EYA3: variants seen among roughly 807,000 people sequenced by gnomAD.
EYA3 encodes the protein protein phosphatase EYA3.
Under a neutral mutation model 80.0 loss-of-function variants are expected in EYA3, and 39 were observed. The observed-to-expected ratio is 0.49, with a 90% CI of 0.38 to 0.64. EYA3 has a LOEUF of 0.64. Ranked by LOEUF, EYA3 falls within the 30% of genes least tolerant of loss-of-function variation. The pLI is 0.00. For missense variants in EYA3, 523 were observed against 676.1 expected (o/e 0.77, Z 2.51); for synonymous variants, 206 against 232.8 (o/e 0.88, Z 1.05).
chr1:28,024,042 C>T (rs1270793180), intron 7 of EYA3, among the ~76,000 whole-genome samples: 3 of 152,102 alleles, frequency 2.0e-5, no homozygotes, highest in Admixed American at 6.5e-5. Flanking sequence ...AGTTTGAGAC[C>T]AGCCTGGCCA....
intron 4 of EYA3, among the ~76,000 whole-genome samples, chr1:28,041,891 TA>T (rs1027008143): frequency 3.0e-4 from 46 of 152,318 alleles, no homozygotes; most frequent in Non-Finnish European, 5.3e-4. Flanking sequence ...CTGAAGTATG[TA>T]AAGTATAAGA....
chr1:28,010,473 C>T (rs1641612792), intron 10 of EYA3, among the ~76,000 whole-genome samples: 1 of 152,178 alleles, frequency 6.6e-6, no homozygotes, highest in Non-Finnish European at 1.5e-5. Context: ...TCACTGCAGC[C>T]TCAACCTGCC....
chr1:28,000,655 T>C (rs1640770667), intron 11 of EYA3, among the ~76,000 whole-genome samples: 1 of 151,922 alleles, frequency 6.6e-6, no homozygotes, highest in Admixed American at 6.6e-5. Context: ...CCAGGCAAGG[T>C]AGCTAGCTCA....
chr1:28,062,135 T>G lies in EYA3; in HGVS notation c.-68-4041A>C, dbSNP rs562500977. Among the ~76,000 whole-genome samples the G allele has an allele frequency of 1.2e-4, 18 of 152,354 alleles. No homozygotes were observed. The East Asian group carries it at 3.5e-3, about 29-fold the overall frequency. The stretch of plus-strand genomic sequence containing the variant: ...TACCTTTAGAACATTTGGAAAGTAA[T>G]GTCTTTTCACAATTTTCTAATTTCA... On this transcript the variant is annotated intron_variant, in intron 1 of 17. Coordinates refer to ENST00000373871, the MANE Select transcript of EYA3 (RefSeq NM_001990.4).
At position 28,086,265 on chromosome 1, in the gene EYA3, G is replaced by A. The variant is rs568185476; in HGVS notation, c.-69+2259C>T. 3.3e-5 allele frequency among the ~76,000 whole-genome samples: 5 copies of A among 151,594 alleles called. No individual in the cohort carries two copies. In the East Asian group the frequency reaches 7.7e-4, roughly 23 times the overall value. Reference sequence around the variant, plus strand: ...GAGTCTCACTCTGTTGCCTTGTGGAGCGCAGTGATGTGATCACAGCTCACT... The same window carrying A: ...GAGTCTCACTCTGTTGCCTTGTGGAACGCAGTGATGTGATCACAGCTCACT... On this transcript the variant is annotated intron_variant, in intron 1 of 17. Transcript: ENST00000373871.
chr1:28,041,316 A>C (rs1643764457), intron 4 of EYA3, among the ~76,000 whole-genome samples: 1 of 152,174 alleles, frequency 6.6e-6, no homozygotes, highest in Non-Finnish European at 1.5e-5. Context: ...GTGAGCGGAG[A>C]TCTTGCCATT....
intron 6 of EYA3, among the ~76,000 whole-genome samples, chr1:28,033,372 T>A (rs1003139736): frequency 1.3e-5 from 2 of 152,182 alleles, no homozygotes; most frequent in Non-Finnish European, 2.9e-5. Context: ...ATGCCATCTC[T>A]ATCATTCACA....
intron 6 of EYA3, among the ~76,000 whole-genome samples, chr1:28,029,288 C>T (rs542934444): frequency 4.6e-4 from 70 of 152,290 alleles, no homozygotes; most frequent in African/African-American, 1.6e-3. Flanking sequence ...TGCTGTGCTA[C>T]ATATATTACA....
chr1:28,039,938 T>A (rs1034054341), intron 4 of EYA3, among the ~76,000 whole-genome samples: 1 of 152,210 alleles, frequency 6.6e-6, no homozygotes, highest in Non-Finnish European at 1.5e-5. Context: ...GAATTCTACA[T>A]AATGGTTCTC....
chr1:28,030,336 A>C (rs1488277385), intron 6 of EYA3, among the ~76,000 whole-genome samples: 1 of 152,192 alleles, frequency 6.6e-6, no homozygotes, highest in Non-Finnish European at 1.5e-5. Flanking sequence ...TCTGTTGCCC[A>C]GGCTGGAGGG....
intron 7 of EYA3, among the ~76,000 whole-genome samples, chr1:28,025,868 C>T (rs1210469850): frequency 2.6e-5 from 4 of 152,226 alleles, no homozygotes. Flanking sequence ...TCAAGCGATT[C>T]TCATACCTCG....
intron 7 of EYA3, among the ~76,000 whole-genome samples, chr1:28,023,231 G>A (rs986032811): frequency 6.6e-6 from 1 of 152,076 alleles, no homozygotes; most frequent in Non-Finnish European, 1.5e-5. Context: ...AAATATCTAG[G>A]AGTCCACAAA....
intron 1 of EYA3, among the ~76,000 whole-genome samples, chr1:28,069,350 C>T (rs1430976100): frequency 6.6e-6 from 1 of 151,966 alleles, no homozygotes; most frequent in African/African-American, 2.4e-5. Flanking sequence ...CTCAAGTGAT[C>T]TACCCACCTC....
chr1:28,043,535 T>G (rs892055214), intron 3 of EYA3, among the ~76,000 whole-genome samples: 1 of 152,058 alleles, frequency 6.6e-6, no homozygotes. Flanking sequence ...ATATGAGAAG[T>G]GTTTTCAAAT....
intron 17 of EYA3, among the ~76,000 whole-genome samples, chr1:27,976,021 G>GT (rs1638914544): frequency 6.6e-6 from 1 of 152,158 alleles, no homozygotes; most frequent in Non-Finnish European, 1.5e-5. Context: ...GTTGAAACTG[G>GT]TTCCAAGTTA....
chr1:28,045,183 T>G (rs1643955450), intron 3 of EYA3, among the ~76,000 whole-genome samples: 1 of 152,226 alleles, frequency 6.6e-6, no homozygotes, highest in Non-Finnish European at 1.5e-5. Context: ...TTTATATTTT[T>G]GTAATAGAAC....
chr1:28,043,275 G>A (rs1442345326), intron 3 of EYA3, among the ~76,000 whole-genome samples: 1 of 146,954 alleles, frequency 6.8e-6, no homozygotes, highest in African/African-American at 2.5e-5. Flanking sequence ...TTTATTATAT[G>A]TTTATGGGGT....
chr1:27,997,635 G>A (rs1235011912), intron 12 of EYA3, among the ~76,000 whole-genome samples: 1 of 152,098 alleles, frequency 6.6e-6, no homozygotes, highest in African/African-American at 2.4e-5. Context: ...TTCTCCAACA[G>A]CTCATGGGAA....
intron 17 of EYA3, among the ~76,000 whole-genome samples, chr1:27,976,608 T>A (rs1437719745): frequency 6.6e-6 from 1 of 152,238 alleles, no homozygotes; most frequent in Non-Finnish European, 1.5e-5. Context: ...TCCTTGGGCA[T>A]ATTCAAGCAA....
Sources: allele counts gnomAD v4.1 joint callset (sites outside exome capture counted in the v4.1 genomes callset), GRCh38; gene constraint gnomAD v4.1.1; transcripts MANE v1.5; gene names NCBI Gene and HGNC (gene_info 2026-07-23, HGNC 2026-07-21).